Variants in GSG1L observed in about 807,000 individuals in gnomAD.
The protein encoded by GSG1L is germ cell-specific gene 1-like protein.
A neutral mutation model predicts 42.1 loss-of-function variants in GSG1L; 24 were observed. The observed-to-expected ratio is 0.57, with a 90% CI of 0.41 to 0.80. The LOEUF (loss-of-function observed/expected upper bound fraction) is 0.80. GSG1L is among the 30% of genes least tolerant of loss of function. The pLI, the probability that GSG1L is intolerant of heterozygous loss-of-function variation, is 0.00. For missense variants in GSG1L, 445 were observed against 472.2 expected (o/e 0.94, Z 0.53); for synonymous variants, 215 against 203.5 (o/e 1.06, Z -0.48).
At chr16:28,024,896 CT>C (rs1567559979) in intron 1 of GSG1L, among the ~76,000 whole-genome samples, 1 of 152,226 alleles carries the variant, frequency 6.6e-6, no homozygotes, top group Non-Finnish European at 1.5e-5. Flanking sequence ...GGAAGGCTTT[CT>C]TACATTTACC....
intron 2 of GSG1L, among the ~76,000 whole-genome samples, chr16:27,888,830 C>T (rs2084086601): frequency 6.6e-6 from 1 of 151,650 alleles, no homozygotes; most frequent in Non-Finnish European, 1.5e-5. Context: ...GTTGGCCAGG[C>T]TTGTCTCGAA....
chr16:28,000,386 C>A (rs920687320), intron 1 of GSG1L, among the ~76,000 whole-genome samples: 1 of 152,158 alleles, frequency 6.6e-6, no homozygotes, highest in East Asian at 1.9e-4. Context: ...TGCTGCATGG[C>A]GAGAAGGACT....
At chr16:28,006,295 TTTTATTTA>T (rs55673236) in intron 1 of GSG1L, among the ~76,000 whole-genome samples, 26,850 of 148,970 alleles carry the variant, frequency 0.18, 2,507 homozygotes, top group Admixed American at 0.26. Context: ...CTTGATTGTA[TTTTATTTA>T]TTTATTTATT....
At chr16:27,930,554 T>C (rs1370020633) in intron 2 of GSG1L, among the ~76,000 whole-genome samples, 1 of 152,188 alleles carries the variant, frequency 6.6e-6, no homozygotes, top group Non-Finnish European at 1.5e-5. Context: ...TGGCACATAG[T>C]AGGTGCTCAA....
chr16:27,962,583 C>T (rs147561941), intron 2 of GSG1L, among the ~76,000 whole-genome samples: 570 of 152,330 alleles, frequency 3.7e-3, no homozygotes, highest in Middle Eastern at 0.02. Flanking sequence ...TGCAACTAAA[C>T]CTAATCCTGA....
intron 5 of GSG1L, among the ~76,000 whole-genome samples, chr16:27,814,625 C>T (rs1307974724): frequency 1.4e-5 from 2 of 145,872 alleles, no homozygotes; most frequent in Non-Finnish European, 3.0e-5. Context: ...GCGGAGGTTG[C>T]AGTGAGCCGA....
intron 1 of GSG1L, among the ~76,000 whole-genome samples, chr16:27,989,068 GAAAAGAAA>G (rs1156572594): frequency 1.5e-5 from 2 of 137,292 alleles, no homozygotes; most frequent in East Asian, 2.0e-4. Context: ...AAAAAAAAAA[GAAAAGAAA>G]AAAAGAAAAA....
chr16:28,026,111 G>T (rs2085897514), intron 1 of GSG1L, among the ~76,000 whole-genome samples: 1 of 152,148 alleles, frequency 6.6e-6, no homozygotes, highest in Admixed American at 6.5e-5. Flanking sequence ...CCTCGGCCCG[G>T]GTTTGCCAGA....
At chr16:27,945,719 C>A (rs1005384988) in intron 2 of GSG1L, among the ~76,000 whole-genome samples, 8 of 152,268 alleles carry the variant, frequency 5.3e-5, no homozygotes, top group African/African-American at 1.9e-4. Flanking sequence ...AAGGACCTCT[C>A]TCCTGAGTTT....
intron 1 of GSG1L, among the ~76,000 whole-genome samples, chr16:27,998,872 A>G (rs929006341): frequency 6.6e-6 from 1 of 151,760 alleles, no homozygotes; most frequent in Admixed American, 6.6e-5. Flanking sequence ...ATGCTTTCTC[A>G]TCTGCCCAAA....
rs71140916 is a variant in GSG1L, at chr16:27,874,441, C to CTTTTTTTTTTTTTTTTTTTTTT, written c.550+10023_550+10044dup. Among the ~76,000 whole-genome samples the CTTTTTTTTTTTTTTTTTTTTTT allele has an allele frequency of 6.4e-5, 6 of 94,428 alleles. 2 individuals are homozygous for CTTTTTTTTTTTTTTTTTTTTTT. The highest frequency in any genetic ancestry group is 3.8e-4 in the South Asian group (1 of 2,642). The allele number at this position is 94,428 out of a possible 152,430, so 61.9% of individuals were successfully genotyped here. Reference sequence around the variant, plus strand: ...TCTGGACACTGAAGCACAGGAGAGCCTTTTTTTTTTTTTTTTTTTTTTTTT... The same window carrying CTTTTTTTTTTTTTTTTTTTTTT: ...TCTGGACACTGAAGCACAGGAGAGCCTTTTTTTTTTTTTTTTTTTTTTTTTTTTTTTTTTTTTTTTTTTTTTT... On this transcript the variant is annotated intron_variant, in intron 3 of 6. Transcript: ENST00000447459.
rs149203475 is a variant in GSG1L, at chr16:27,895,441, C to T, written c.398-10803G>A. Among the ~76,000 whole-genome samples, 1,463 of 152,234 alleles carry T rather than the reference C, an allele frequency of 9.6e-3. 15 individuals are homozygous for T. The highest frequency in any genetic ancestry group is 0.016 in the Non-Finnish European group (1,117 of 68,012). The stretch of plus-strand genomic sequence containing the variant: ...CGACGAAATCAGTCATTTCTATCTC[C>T]GATACTGCAGCCGTGCAACATTTTA... On this transcript the variant is annotated intron_variant, in intron 2 of 6. Coordinates refer to ENST00000447459, the MANE Select transcript of GSG1L (RefSeq NM_001109763.2).
chr16:27,878,141 C>T (rs1213863906), intron 3 of GSG1L, among the ~76,000 whole-genome samples: 3 of 152,108 alleles, frequency 2.0e-5, no homozygotes, highest in Non-Finnish European at 4.4e-5. Flanking sequence ...CTCACAGCAG[C>T]CTTAACCTCC....
rs796692147 is a variant in GSG1L at position 27,789,356 on chromosome 16, G to A, written c.*2014C>T. ...ATGTGTGGATGACGGATAATGGATG[G>A]ATGGATGGTTGATGGATAATGGGCA... On this transcript the variant is annotated 3_prime_UTR_variant, in exon 7 of 7. Transcript: ENST00000447459. 16 of 152,202 alleles carry A rather than the reference G, an allele frequency of 1.1e-4. No individual in the cohort carries two copies. The highest frequency in any genetic ancestry group is 3.1e-4 in the African/African-American group (13 of 41,512). The allele number at this position is 152,202 out of a possible 1,614,324, so 9.4% of individuals were successfully genotyped here.
intron 3 of GSG1L, among the ~76,000 whole-genome samples, chr16:27,872,033 T>C (rs1467280348): frequency 2.6e-5 from 4 of 152,238 alleles, no homozygotes; most frequent in Admixed American, 1.3e-4. Flanking sequence ...AATAAAGCTG[T>C]CTAAAATTTT....
In GSG1L at chr16:27,903,872, G is replaced by C. The variant is rs190953937; in HGVS notation, c.398-19234C>G. Among the ~76,000 whole-genome samples, 791 of 152,086 alleles carry C rather than the reference G, an allele frequency of 5.2e-3. 9 individuals are homozygous for C. Among genetic ancestry groups the C allele is most frequent in the Non-Finnish European group, 6.9e-3 (467 of 68,000 alleles). On this transcript the variant is annotated intron_variant, in intron 2 of 6. Transcript: ENST00000447459. The stretch of plus-strand genomic sequence containing the variant: ...CAGCTGACTCGGCATTCACTTACCT[G>C]TCAGAGCCAGCGGTCACCTGTACAA...
intron 3 of GSG1L, among the ~76,000 whole-genome samples, chr16:27,864,263 C>A (rs972253608): frequency 6.6e-6 from 1 of 152,190 alleles, no homozygotes; most frequent in African/African-American, 2.4e-5. Context: ...GCCACCTCTG[C>A]AGTGAGATGT....
intron 3 of GSG1L, among the ~76,000 whole-genome samples, chr16:27,860,140 G>T (rs959557160): frequency 6.6e-6 from 1 of 152,190 alleles, no homozygotes; most frequent in South Asian, 2.1e-4. Flanking sequence ...AGGCAAGAGA[G>T]GGGGAGGCTC....
chr16:27,799,720 A>G (rs150098341), intron 6 of GSG1L, among the ~76,000 whole-genome samples: 1 of 152,194 alleles, frequency 6.6e-6, no homozygotes, highest in African/African-American at 2.4e-5. Flanking sequence ...AGCTGCTGTT[A>G]TAGGAGGTTT....
Sources: gnomAD v4.1 joint callset for allele counts (sites outside exome capture counted in the v4.1 genomes callset) on GRCh38, gnomAD v4.1.1 for gene constraint, MANE v1.5 for transcripts, NCBI Gene and HGNC (gene_info 2026-07-23, HGNC 2026-07-21) for gene names.